Variants in ANO4 observed in about 807,000 individuals in gnomAD.
ANO4 encodes the protein anoctamin 4.
Under a neutral mutation model 141.9 loss-of-function variants are expected in ANO4, and 69 were observed. The observed-to-expected ratio is 0.49, with a 90% CI of 0.40 to 0.59. The LOEUF is 0.59. ANO4 is among the 20% of genes least tolerant of loss of function. The pLI, the probability that ANO4 is intolerant of heterozygous loss-of-function variation, is 0.00. For missense variants in ANO4, 894 were observed against 1,162.2 expected, an observed-to-expected ratio of 0.77 and a Z score of 3.36; for synonymous variants, 350 against 394.3, an observed-to-expected ratio of 0.89 and a Z score of 1.33.
At position 100,941,951 on chromosome 12, in the gene ANO4, G is replaced by GAAA. The variant is rs768334027; in HGVS notation, c.298-421_298-419dup. On this transcript the variant is annotated intron_variant, in intron 4 of 27. Coordinates refer to ENST00000392977, the MANE Select transcript of ANO4 (RefSeq NM_001286615.2). ...TAATGAATATGTAATTGAACACAAT[G>GAAA]AAAAAAATTATTATTATTATTATTA... Among the ~76,000 whole-genome samples the GAAA allele has an allele frequency of 1.3e-3, 166 of 129,354 alleles. 3 individuals are homozygous for GAAA. The East Asian group carries it at 0.028, about 22-fold the overall frequency. The allele number at this position is 129,354 out of a possible 152,430, so 84.9% of individuals were successfully genotyped here.
chr12:100,844,022 A>T (rs1352920687), intron 1 of ANO4, among the ~76,000 whole-genome samples: 1 of 151,012 alleles, frequency 6.6e-6, no homozygotes, highest in Non-Finnish European at 1.5e-5. Flanking sequence ...TTCATTCAGC[A>T]GTTATTTATT....
intron 5 of ANO4, among the ~76,000 whole-genome samples, chr12:100,960,683 T>C (rs1004985187): frequency 3.3e-5 from 5 of 152,092 alleles, no homozygotes. Flanking sequence ...GACACCAAAT[T>C]CTTCTGTCTT....
chr12:100,998,221 T>C (rs926394954), intron 8 of ANO4, among the ~76,000 whole-genome samples: 27 of 152,186 alleles, frequency 1.8e-4, no homozygotes, highest in African/African-American at 6.0e-4. Context: ...TCTCCTAGCC[T>C]ACATCTCCCT....
intron 1 of ANO4, among the ~76,000 whole-genome samples, chr12:100,831,973 GGTACC>G (rs2036655892): frequency 1.3e-5 from 2 of 152,170 alleles, no homozygotes; most frequent in South Asian, 4.2e-4. Flanking sequence ...GTAGCGGGCT[GGTACC>G]GTCTTTATTC....
intron 3 of ANO4, among the ~76,000 whole-genome samples, chr12:100,936,049 G>A (rs1166987586): frequency 6.6e-6 from 1 of 152,130 alleles, no homozygotes. Context: ...TGAAGATACT[G>A]AGAGGCTGGC....
intron 2 of ANO4, among the ~76,000 whole-genome samples, chr12:100,736,135 G>A (rs1474724598): frequency 2.0e-5 from 3 of 152,168 alleles, no homozygotes; most frequent in African/African-American, 7.2e-5. Flanking sequence ...AGAGCCACGT[G>A]AGTGGGTGGC....
At chr12:101,023,236 A>G (rs2046602713) in intron 9 of ANO4, among the ~76,000 whole-genome samples, 1 of 152,224 alleles carries the variant, frequency 6.6e-6, no homozygotes, top group African/African-American at 2.4e-5. Context: ...TAAGCAAAAG[A>G]AGGACAGAGA....
At chr12:100,846,184 C>G (rs2037547844) in intron 1 of ANO4, among the ~76,000 whole-genome samples, 1 of 152,122 alleles carries the variant, frequency 6.6e-6, no homozygotes, top group South Asian at 2.1e-4. Context: ...TGTAGTGTCC[C>G]AAAACCTTGA....
chr12:100,902,679 T>C (rs1381347286), intron 2 of ANO4, among the ~76,000 whole-genome samples: 1 of 152,214 alleles, frequency 6.6e-6, no homozygotes, highest in Admixed American at 6.5e-5. Flanking sequence ...TTCTCTCTCT[T>C]AGCATGTAAC....
intron 3 of ANO4, among the ~76,000 whole-genome samples, chr12:100,933,185 A>G (rs1477591907): frequency 2.0e-5 from 3 of 151,828 alleles, no homozygotes; most frequent in Non-Finnish European, 4.4e-5. Flanking sequence ...TTTGATACAT[A>G]GGTATACATG....
intron 1 of ANO4, among the ~76,000 whole-genome samples, chr12:100,880,339 A>G (rs947267090): frequency 6.6e-6 from 1 of 152,176 alleles, no homozygotes. Flanking sequence ...TGTTAGAGAC[A>G]GGTGCCTTTC....
intron 2 of ANO4, 145 bp from the exon 3 acceptor site, chr12:100,922,077 TTTTC>T: frequency 1.2e-5 from 6 of 482,216 alleles, no homozygotes; most frequent in African/African-American, 1.0e-4. Flanking sequence ...CTTTTTTTTT[TTTTC>T]TTAAGTCCTT....
intron 3 of ANO4, among the ~76,000 whole-genome samples, chr12:100,746,983 A>C (rs1359828919): frequency 6.6e-6 from 1 of 152,088 alleles, no homozygotes; most frequent in Non-Finnish European, 1.5e-5. Flanking sequence ...GGTGCCGTGG[A>C]CATTTTGGGC....
chr12:101,061,473 T>C (rs4764779), intron 14 of ANO4, among the ~76,000 whole-genome samples: 64,156 of 151,770 alleles, frequency 0.42, 13,939 homozygotes, highest in African/African-American at 0.53. Flanking sequence ...TCCTGAAGAG[T>C]GTTTTCCAAC....
At chr12:101,018,473 A>G (rs1392889147) in intron 8 of ANO4, among the ~76,000 whole-genome samples, 2 of 152,186 alleles carry the variant, frequency 1.3e-5, no homozygotes, top group Admixed American at 6.5e-5. Context: ...TTTTGTCTCC[A>G]TATTCCCTGG....
intron 1 of ANO4, among the ~76,000 whole-genome samples, chr12:100,896,784 G>A (rs748235244): frequency 5.3e-5 from 8 of 152,276 alleles, no homozygotes; most frequent in Admixed American, 3.9e-4. Context: ...TGGTATAAAC[G>A]CTAGAGCCTA....
At chr12:101,042,100 T>G (rs1469964567) in intron 11 of ANO4, among the ~76,000 whole-genome samples, 2 of 152,162 alleles carry the variant, frequency 1.3e-5, no homozygotes, top group Admixed American at 6.6e-5. Context: ...AGAATAAGCT[T>G]GTATACAACC....
At chr12:100,932,362 G>T (rs11110587) in intron 3 of ANO4, among the ~76,000 whole-genome samples, 14,149 of 146,406 alleles carry the variant, frequency 0.097, 1,098 homozygotes, top group African/African-American at 0.22. Flanking sequence ...ACACTTGCTG[G>T]TTTTTTTTTT....
At chr12:100,871,206 AAAG>A (rs1187142294) in intron 1 of ANO4, among the ~76,000 whole-genome samples, 16 of 152,192 alleles carry the variant, frequency 1.1e-4, no homozygotes, top group Admixed American at 2.6e-4. Context: ...TGTTTTACTG[AAAG>A]AAGGACAAGA....
Sources: gnomAD v4.1 joint callset for allele counts (sites outside exome capture counted in the v4.1 genomes callset) on GRCh38, gnomAD v4.1.1 for gene constraint, MANE v1.5 for transcripts, NCBI Gene and HGNC (gene_info 2026-07-23, HGNC 2026-07-21) for gene names.